Variants in AKAP6 observed in about 807,000 individuals in gnomAD.
AKAP6 encodes A-kinase anchor protein 6.
In AKAP6, 58 loss-of-function variants were observed where a neutral mutation model predicts 188.5. The observed-to-expected ratio is 0.31, with a 90% CI of 0.25 to 0.38. The LOEUF (loss-of-function observed/expected upper bound fraction) is 0.38. AKAP6 is among the 10% of genes least tolerant of loss of function. The pLI is 1.00. For missense variants in AKAP6, 2,710 were observed against 2,740.0 expected (o/e 0.99, Z 0.24); for synonymous variants, 989 against 998.6 (o/e 0.99, Z 0.18).
intron 9 of AKAP6, among the ~76,000 whole-genome samples, chr14:32,700,601 T>G (rs1890582435): frequency 6.6e-6 from 1 of 152,240 alleles, no homozygotes; most frequent in Non-Finnish European, 1.5e-5. Context: ...TTTTCTATAT[T>G]TATGTACACA....
intron 12 of AKAP6, among the ~76,000 whole-genome samples, chr14:32,809,500 T>C (rs1184837860): frequency 6.6e-6 from 1 of 152,184 alleles, no homozygotes; most frequent in East Asian, 1.9e-4. Context: ...CTTCTCCAGC[T>C]TCACCTTCCC....
rs550797407 is a variant in AKAP6, at chr14:32,466,281, G to T, written c.324+32464G>T. On this transcript the variant is annotated intron_variant, in intron 2 of 13. Coordinates refer to ENST00000280979, the MANE Select transcript of AKAP6 (RefSeq NM_004274.5). ...TGTATAGAGATGCATGCACATGTAT[G>T]TTTACTGCAGCACTATTTACAATAG... 7.2e-5 allele frequency among the ~76,000 whole-genome samples: 11 copies of T among 152,328 alleles called. No individual in the cohort carries two copies. In the East Asian group the frequency reaches 2.1e-3, roughly 29 times the overall value.
chr14:32,471,411 G>A (rs1335367757), intron 2 of AKAP6, among the ~76,000 whole-genome samples: 1 of 152,208 alleles, frequency 6.6e-6, no homozygotes, highest in Non-Finnish European at 1.5e-5. Flanking sequence ...GACGGTGGTA[G>A]TAATAAGAAA....
intron 2 of AKAP6, among the ~76,000 whole-genome samples, chr14:32,523,192 G>T (rs567412088): frequency 1.3e-5 from 2 of 152,016 alleles, no homozygotes; most frequent in East Asian, 1.9e-4. Context: ...TGGGGGAAGG[G>T]GGGGAGGGAT....
At chr14:32,739,359 C>T (rs1305037100) in intron 11 of AKAP6, among the ~76,000 whole-genome samples, 1 of 151,828 alleles carries the variant, frequency 6.6e-6, no homozygotes, top group Non-Finnish European at 1.5e-5. Context: ...AAGTATTTAC[C>T]CTCTATGTTA....
chr14:32,796,098 G>A (rs916799241), intron 12 of AKAP6, among the ~76,000 whole-genome samples: 6 of 152,058 alleles, frequency 3.9e-5, no homozygotes, highest in African/African-American at 1.4e-4. Context: ...CCTCCTCAAG[G>A]AGATCTATAA....
At position 32,765,788 on chromosome 14, in the gene AKAP6, T is replaced by C. The variant is rs528820173; in HGVS notation, c.3373-7890T>C. On this transcript the variant is annotated intron_variant, in intron 11 of 13. Coordinates refer to ENST00000280979, the MANE Select transcript of AKAP6 (RefSeq NM_004274.5). ...CCCATGGTTGCAGAACCATAGTGAT[T>C]GTATGGTATTAGTTATATCATTAGC... is the stretch of plus-strand genomic sequence containing the variant. 3.3e-5 allele frequency among the ~76,000 whole-genome samples: 5 copies of C among 152,192 alleles called. No homozygotes were observed. The South Asian group carries it at 1.0e-3, about 32-fold the overall frequency.
chr14:32,822,034 C>T lies in AKAP6; in HGVS notation c.4221C>T (p.Asn1407=), dbSNP rs75178026. The change falls in exon 13 of 14, where the codon AAC becomes AAT. Residue 1407 remains asparagine (N), a synonymous_variant. Coordinates refer to ENST00000280979, the MANE Select transcript of AKAP6 (RefSeq NM_004274.5). ...ACCCACAAATGGGAGATGCAGTTAACGTGTTAAAGCAAAAATTTACAGATG... is the reference window on the plus strand; with the variant it reads ...ACCCACAAATGGGAGATGCAGTTAATGTGTTAAAGCAAAAATTTACAGATG... ...HLDPQMGDAV[N]VLKQKFTDEG... is the part of the protein sequence containing the mutation. 139 of 1,613,884 alleles carry T rather than the reference C, an allele frequency of 8.6e-5. 2 individuals are homozygous for T. The East Asian group carries it at 2.3e-3, about 27-fold the overall frequency.
chr14:32,354,124 G>C (rs1333626848), intron 1 of AKAP6, among the ~76,000 whole-genome samples: 1 of 151,760 alleles, frequency 6.6e-6, no homozygotes, highest in Admixed American at 6.6e-5. Context: ...AGTTCATATG[G>C]AACCAAAAAA....
chr14:32,425,009 G>A (rs1289686128), intron 1 of AKAP6, among the ~76,000 whole-genome samples: 1 of 151,956 alleles, frequency 6.6e-6, no homozygotes, highest in East Asian at 1.9e-4. Context: ...ATTCTTTTGG[G>A]TATAGGATTG....
intron 11 of AKAP6, among the ~76,000 whole-genome samples, chr14:32,752,453 G>A (rs554076914): frequency 1.3e-5 from 2 of 152,250 alleles, no homozygotes; most frequent in Admixed American, 6.5e-5. Context: ...TACAGTGAGA[G>A]GGAAGAGATT....
chr14:32,810,212 A>C (rs992436067), intron 12 of AKAP6, among the ~76,000 whole-genome samples: 2 of 151,722 alleles, frequency 1.3e-5, no homozygotes, highest in Non-Finnish European at 2.9e-5. Flanking sequence ...TTTTTTGCAA[A>C]GAATTTTAGG....
At chr14:32,343,939 G>C (rs1277655425) in intron 1 of AKAP6, among the ~76,000 whole-genome samples, 1 of 151,852 alleles carries the variant, frequency 6.6e-6, no homozygotes, top group Admixed American at 6.6e-5. Context: ...AAGCAATAAT[G>C]CTTTTTATCA....
chr14:32,456,209 G>A (rs544417280), intron 2 of AKAP6, among the ~76,000 whole-genome samples: 106 of 151,898 alleles, frequency 7.0e-4, no homozygotes, highest in African/African-American at 2.5e-3. Flanking sequence ...ATGTTTTCAC[G>A]GTGTCTTATA....
chr14:32,779,782 G>T (rs889676335), intron 12 of AKAP6, among the ~76,000 whole-genome samples: 1 of 152,074 alleles, frequency 6.6e-6, no homozygotes, highest in Non-Finnish European at 1.5e-5. Flanking sequence ...AGATATAAAA[G>T]ACTTGGAATG....
chr14:32,657,815 T>C lies in AKAP6; in HGVS notation c.2731-20496T>C, dbSNP rs941836737. 3.4e-5 allele frequency among the ~76,000 whole-genome samples: 5 copies of C among 146,130 alleles called. No homozygotes were observed. The Middle Eastern group carries it at 0.01, about 298-fold the overall frequency. On this transcript the variant is annotated intron_variant, in intron 7 of 13. Transcript: ENST00000280979. ...ACAGTACTTCTATTCCATATAATGA[T>C]GATGCTGTTTTCATTAAAGTAATAA...
At chr14:32,649,467 TA>T (rs1461629822) in intron 7 of AKAP6, among the ~76,000 whole-genome samples, 1 of 152,214 alleles carries the variant, frequency 6.6e-6, no homozygotes, top group Admixed American at 6.5e-5. Context: ...TTAATTATGC[TA>T]CAAAGTTTTC....
intron 11 of AKAP6, among the ~76,000 whole-genome samples, chr14:32,756,232 A>G (rs78410012): frequency 0.069 from 10,529 of 152,194 alleles, 736 homozygotes; most frequent in East Asian, 0.38. Context: ...GGGTGCAGCC[A>G]GGGTTCTCTA....
intron 7 of AKAP6, among the ~76,000 whole-genome samples, chr14:32,630,375 C>T (rs1305478000): frequency 2.6e-5 from 4 of 151,832 alleles, no homozygotes; most frequent in African/African-American, 9.7e-5. Flanking sequence ...GAAATTACCA[C>T]ATGTTGCTAT....
Sources: gnomAD v4.1 joint callset for allele counts (sites outside exome capture counted in the v4.1 genomes callset) on GRCh38, gnomAD v4.1.1 for gene constraint, MANE v1.5 for transcripts, NCBI Gene and HGNC (gene_info 2026-07-23, HGNC 2026-07-21) for gene names.